HLCS: variants seen among roughly 807,000 people sequenced by gnomAD.
The protein encoded by HLCS is biotin--protein ligase.
In HLCS, 53 loss-of-function variants were observed where a neutral mutation model predicts 75.0. The ratio of observed to expected loss-of-function variants is 0.71; its 90% CI spans 0.57 to 0.89. HLCS has a LOEUF of 0.89. Among genes scored for constraint, HLCS ranks in the 40% least tolerant of loss-of-function variants. The probability of loss-of-function intolerance (pLI) is 0.00; values close to 1 mark genes in which losing one functional copy is unlikely to be tolerated. For synonymous variants in HLCS, 431 were observed against 428.6 expected, an observed-to-expected ratio of 1.01 and a Z score of -0.07; for missense variants, 966 against 1,074.0, an observed-to-expected ratio of 0.90 and a Z score of 1.41.
intron 6 of HLCS, among the ~76,000 whole-genome samples, chr21:36,862,197 T>C (rs2063402832): frequency 6.6e-6 from 1 of 152,244 alleles, no homozygotes; most frequent in Non-Finnish European, 1.5e-5. Flanking sequence ...CATCCACTGA[T>C]GGACATTTGG....
At chr21:36,889,640 C>T (rs2064690276) in intron 6 of HLCS, among the ~76,000 whole-genome samples, 1 of 152,170 alleles carries the variant, frequency 6.6e-6, no homozygotes, top group Admixed American at 6.5e-5. Context: ...TAGACCCCAT[C>T]ACCACCAATA....
At chr21:36,843,845 A>G (rs2062703235) in intron 6 of HLCS, among the ~76,000 whole-genome samples, 1 of 152,096 alleles carries the variant, frequency 6.6e-6, no homozygotes, top group Non-Finnish European at 1.5e-5. Flanking sequence ...GTCACTATGA[A>G]ATATTCTAAA....
At chr21:36,777,389 C>T (rs1244693182) in intron 6 of HLCS, among the ~76,000 whole-genome samples, 1 of 152,240 alleles carries the variant, frequency 6.6e-6, no homozygotes, top group Non-Finnish European at 1.5e-5. Flanking sequence ...ACATGCTTAG[C>T]TCTCATGCGG....
At chr21:36,924,199 C>T (rs1323886313) in intron 5 of HLCS, among the ~76,000 whole-genome samples, 1 of 152,202 alleles carries the variant, frequency 6.6e-6, no homozygotes, top group African/African-American at 2.4e-5. Flanking sequence ...GACTCCACAT[C>T]AAGTACTATG....
At chr21:36,874,332 G>A (rs1284679774) in intron 6 of HLCS, among the ~76,000 whole-genome samples, 3 of 151,908 alleles carry the variant, frequency 2.0e-5, no homozygotes, top group Non-Finnish European at 1.5e-5. Flanking sequence ...AACCCAGGAG[G>A]TGGAGCTTGC....
chr21:36,857,069 C>T (rs1342188546), intron 6 of HLCS, among the ~76,000 whole-genome samples: 2 of 152,220 alleles, frequency 1.3e-5, no homozygotes, highest in Non-Finnish European at 2.9e-5. Context: ...TTTCAGTTTA[C>T]ATGGCGCCAT....
At chr21:36,826,804 T>C (rs1184452717) in intron 6 of HLCS, among the ~76,000 whole-genome samples, 1 of 152,222 alleles carries the variant, frequency 6.6e-6, no homozygotes, top group African/African-American at 2.4e-5. Flanking sequence ...ACAGCGGAAC[T>C]GGGACTCCAT....
intron 6 of HLCS, among the ~76,000 whole-genome samples, chr21:36,804,956 G>C (rs1344626354): frequency 6.6e-6 from 1 of 152,088 alleles, no homozygotes; most frequent in African/African-American, 2.4e-5. Flanking sequence ...GTCTCTCCAT[G>C]GTTCCCTCTT....
rs926349320 is a variant in HLCS at position 36,749,215 on chromosome 21, T to G, written c.*5031A>C. 1 of 152,630 alleles carries G rather than the reference T, an allele frequency of 6.6e-6. No homozygotes were observed. The highest frequency in any genetic ancestry group is 1.9e-4 in the East Asian group (1 of 5,202). The allele number at this position is 152,630 out of a possible 1,614,324, so 9.5% of individuals were successfully genotyped here. A position where few individuals can be genotyped will look rare whatever the true frequency, so the allele number is the denominator to read the frequency against. ...ACTTTTTATGGGTTTTGCTTAAAGA[T>G]CTCAACATGGAAAAATCCTGTCATG... is the stretch of plus-strand genomic sequence containing the variant. On this transcript the variant is annotated 3_prime_UTR_variant, in exon 11 of 11. Transcript: ENST00000674895.
chr21:36,783,175 C>A (rs965675110), intron 6 of HLCS, among the ~76,000 whole-genome samples: 9 of 152,114 alleles, frequency 5.9e-5, no homozygotes, highest in Admixed American at 5.9e-4. Flanking sequence ...CAGAGCTAGG[C>A]TCTCAAACAA....
intron 6 of HLCS, among the ~76,000 whole-genome samples, chr21:36,781,190 GAGGTTGCAGTGAGCTGAGATC>G (rs1021340972): frequency 6.6e-6 from 1 of 151,178 alleles, no homozygotes; most frequent in Non-Finnish European, 1.5e-5. Flanking sequence ...AGCTGAGGCG[GAGGTTGCAGTGAGCTGAGATC>G]ATGCCATTGC....
intron 6 of HLCS, among the ~76,000 whole-genome samples, chr21:36,876,448 C>CTA (rs1226753009): frequency 1.3e-5 from 2 of 152,194 alleles, no homozygotes; most frequent in Non-Finnish European, 2.9e-5. Flanking sequence ...CATGGTTTCT[C>CTA]TACGTAGGTC....
chr21:36,768,792 G>A (rs2090132074), intron 6 of HLCS, among the ~76,000 whole-genome samples: 1 of 152,194 alleles, frequency 6.6e-6, no homozygotes, highest in African/African-American at 2.4e-5. Flanking sequence ...GTATGCCACT[G>A]GGTCCAAGAA....
At chr21:36,812,670 T>C (rs1050627136) in intron 6 of HLCS, among the ~76,000 whole-genome samples, 2 of 151,918 alleles carry the variant, frequency 1.3e-5, no homozygotes, top group East Asian at 3.8e-4. Flanking sequence ...AAATTACATA[T>C]GAAAGAGCAA....
chr21:36,851,107 G>A (rs10483036), intron 6 of HLCS, among the ~76,000 whole-genome samples: 2,108 of 152,290 alleles, frequency 0.014, 48 homozygotes, highest in African/African-American at 0.048. Flanking sequence ...TTATGAGAGA[G>A]AAAGATATTA....
upstream of HLCS, among the ~76,000 whole-genome samples, chr21:36,971,089 TCAAG>T (rs1235742371): frequency 1.3e-5 from 2 of 151,872 alleles, no homozygotes; most frequent in Non-Finnish European, 2.9e-5. Context: ...AATCGTCAAA[TCAAG>T]CAAAAAGTAA....
At chr21:36,982,065 GGTT>G (rs1345524824) in intron 1 of HLCS, among the ~76,000 whole-genome samples, 1 of 151,960 alleles carries the variant, frequency 6.6e-6, no homozygotes, top group African/African-American at 2.4e-5. Flanking sequence ...GGCTAGGTAT[GGTT>G]GTTTTTTTTT....
intron 6 of HLCS, among the ~76,000 whole-genome samples, chr21:36,876,197 G>A (rs186079461): frequency 6.8e-4 from 103 of 152,228 alleles, no homozygotes; most frequent in African/African-American, 2.0e-3. Context: ...CTGAGAGTGC[G>A]AGCCAAGTGC....
chr21:36,855,536 T>TAAAAA (rs71901243), intron 6 of HLCS, among the ~76,000 whole-genome samples: 3 of 75,660 alleles, frequency 4.0e-5, no homozygotes, highest in South Asian at 9.4e-4. Context: ...AGACTCCATC[T>TAAAAA]AAAAAAAAAA....
Sources: allele counts gnomAD v4.1 joint callset (sites outside exome capture counted in the v4.1 genomes callset), GRCh38; gene constraint gnomAD v4.1.1; transcripts MANE v1.5; gene names NCBI Gene and HGNC (gene_info 2026-07-23, HGNC 2026-07-21).